The following DLC1 variants were observed in gnomAD, a reference collection of about 807,000 sequenced individuals.
DLC1 encodes rho GTPase-activating protein 7.
A neutral mutation model predicts 140.3 loss-of-function variants in DLC1; 54 were observed. The observed-to-expected ratio is 0.38, with a 90% CI of 0.31 to 0.48. DLC1 has a LOEUF of 0.48. DLC1 is among the 20% of genes least tolerant of loss of function. The probability of loss-of-function intolerance (pLI) is 0.96; values close to 1 mark genes in which losing one functional copy is unlikely to be tolerated. For synonymous variants in DLC1, 986 were observed against 728.1 expected, an observed-to-expected ratio of 1.35 and a Z score of -5.70; for missense variants, 2,536 against 1,907.0, an observed-to-expected ratio of 1.33 and a Z score of -6.14.
At chr8:13,292,933 A>T (rs1831817830) in intron 5 of DLC1, among the ~76,000 whole-genome samples, 1 of 152,214 alleles carries the variant, frequency 6.6e-6, no homozygotes, top group African/African-American at 2.4e-5. Flanking sequence ...ATTAAAAACC[A>T]AATTGCAGGC....
At chr8:13,159,735 G>C (rs1289672174) in intron 5 of DLC1, among the ~76,000 whole-genome samples, 1 of 152,038 alleles carries the variant, frequency 6.6e-6, no homozygotes, top group Non-Finnish European at 1.5e-5. Context: ...AGTAGGCCTT[G>C]ATGGCTTAGT....
intron 2 of DLC1, among the ~76,000 whole-genome samples, chr8:13,405,973 CA>C (rs1295858141): frequency 1.3e-3 from 92 of 71,120 alleles, no homozygotes; most frequent in African/African-American, 1.8e-3. Flanking sequence ...TTCTTTCTTT[CA>C]TCTCTCTCTC....
intron 5 of DLC1, among the ~76,000 whole-genome samples, chr8:13,201,044 AG>A (rs763850923): frequency 6.6e-6 from 1 of 152,212 alleles, no homozygotes; most frequent in Non-Finnish European, 1.5e-5. Context: ...GATAGTTATT[AG>A]GAAACAAGCA....
chr8:13,147,986 CA>C (rs546552256), intron 5 of DLC1, among the ~76,000 whole-genome samples: 1 of 151,934 alleles, frequency 6.6e-6, no homozygotes. Flanking sequence ...GACTCCATCT[CA>C]AAAAAAGAAG....
rs1461616416 is a variant in DLC1 at position 13,582,878 on chromosome 8, C to CCATATATATATA, written c.-126+21658_-126+21659insTATATATATATG. Among the ~76,000 whole-genome samples, 1,002 of 103,030 alleles carry CCATATATATATA rather than the reference C, an allele frequency of 9.7e-3. 68 individuals carry two copies. The highest frequency in any genetic ancestry group is 0.014 in the Non-Finnish European group (713 of 51,402). The allele number at this position is 103,030 out of a possible 152,430, so 67.6% of individuals were successfully genotyped here. A position where few individuals can be genotyped will look rare whatever the true frequency, so the allele number is the denominator to read the frequency against. On this transcript the variant is annotated intron_variant, in intron 1 of 1. Transcript: ENST00000631382. ...AGTTATGTTTACAATATACTGTGGT[C>CCATATATATATA]TATATATATATATATATATATATAT... is the stretch of plus-strand genomic sequence containing the variant.
intron 5 of DLC1, among the ~76,000 whole-genome samples, chr8:13,265,940 T>G (rs1208647345): frequency 6.6e-6 from 1 of 152,218 alleles, no homozygotes; most frequent in Non-Finnish European, 1.5e-5. Context: ...CAGGCACTGC[T>G]TTGACATAAT....
At chr8:13,133,816 G>A (rs568664489) in intron 5 of DLC1, among the ~76,000 whole-genome samples, 1 of 152,228 alleles carries the variant, frequency 6.6e-6, no homozygotes, top group Non-Finnish European at 1.5e-5. Flanking sequence ...AGGGGAAGCG[G>A]AGAGGAAGGG....
At chr8:13,242,631 G>A (rs1428436520) in intron 5 of DLC1, among the ~76,000 whole-genome samples, 3 of 152,158 alleles carry the variant, frequency 2.0e-5, no homozygotes, top group Non-Finnish European at 2.9e-5. Context: ...GGGCTCAAGC[G>A]ATTCTCCTAC....
At chr8:13,580,280 G>T (rs1427554362) in intron 1 of DLC1, among the ~76,000 whole-genome samples, 1 of 151,948 alleles carries the variant, frequency 6.6e-6, no homozygotes, top group Non-Finnish European at 1.5e-5. Flanking sequence ...CCGCCACCAC[G>T]CGCGGCTAAT....
At chr8:13,588,699 A>G (rs561791967) in intron 1 of DLC1, among the ~76,000 whole-genome samples, 27 of 152,208 alleles carry the variant, frequency 1.8e-4, no homozygotes, top group Non-Finnish European at 3.4e-4. Context: ...ACAATTCAGA[A>G]ATTATGGCTA....
At chr8:13,169,055 C>T (rs907612228) in intron 5 of DLC1, among the ~76,000 whole-genome samples, 2 of 152,190 alleles carry the variant, frequency 1.3e-5, no homozygotes, top group African/African-American at 2.4e-5. Context: ...ATAAATAGTA[C>T]ATAGGCATCT....
intron 2 of DLC1, among the ~76,000 whole-genome samples, chr8:13,473,422 A>C (rs998876271): frequency 3.3e-5 from 5 of 152,160 alleles, no homozygotes; most frequent in African/African-American, 1.2e-4. Flanking sequence ...GCCTGATGCT[A>C]TCCATCTAAG....
intron 2 of DLC1, among the ~76,000 whole-genome samples, chr8:13,440,561 C>A (rs1462889127): frequency 6.6e-6 from 1 of 151,532 alleles, no homozygotes; most frequent in East Asian, 1.9e-4. Flanking sequence ...GATGAAACAT[C>A]CAATTCTCTT....
intron 5 of DLC1, among the ~76,000 whole-genome samples, chr8:13,201,920 G>GC (rs1563160592): frequency 7.6e-6 from 1 of 132,404 alleles, no homozygotes; most frequent in African/African-American, 3.1e-5. Flanking sequence ...GTACCCAAAA[G>GC]GTTTTTTTTT....
chr8:13,272,748 C>G (rs1830992469), intron 5 of DLC1, among the ~76,000 whole-genome samples: 1 of 152,038 alleles, frequency 6.6e-6, no homozygotes, highest in Non-Finnish European at 1.5e-5. Flanking sequence ...GTGGTGGGCG[C>G]CTGTAGTCCC....
chr8:13,191,268 A>G (rs914843882), intron 5 of DLC1, among the ~76,000 whole-genome samples: 2 of 152,160 alleles, frequency 1.3e-5, no homozygotes, highest in African/African-American at 4.8e-5. Context: ...GCACTTTGGG[A>G]GGTGGAGGCG....
chr8:13,514,790 C>T lies in DLC1; in HGVS notation c.-314G>A, dbSNP rs1011029227. On this transcript the variant is annotated 5_prime_UTR_variant, in exon 1 of 18. Transcript: ENST00000276297. ...AACACCCTCTGCAGCTGGAGGGAGC[C>T]TTAGCTAAGGCAGGATCCTGTCAAG... 1.3e-5 allele frequency: 5 copies of T among 396,314 alleles called. No homozygotes were observed. Among genetic ancestry groups the T allele is most frequent in the African/African-American group, 4.1e-5 (2 of 48,578 alleles). The allele number at this position is 396,314 out of a possible 1,614,324, so 24.5% of individuals were successfully genotyped here. A position where few individuals can be genotyped will look rare whatever the true frequency, so the allele number is the denominator to read the frequency against.
At position 13,139,016 on chromosome 8, in the gene DLC1, A is replaced by G. The variant is rs1211822930; in HGVS notation, c.1349-23359T>C. Among the ~76,000 whole-genome samples, 6 of 152,244 alleles carry G rather than the reference A, an allele frequency of 3.9e-5. No homozygotes were observed. In the East Asian group the frequency reaches 9.7e-4, roughly 25 times the overall value. ...TTAAGAGAGAGAAGCTGGGCACAGT[A>G]GTTCATGCCTGTAATCCCAGCATTT... is the stretch of plus-strand genomic sequence containing the variant. On this transcript the variant is annotated intron_variant, in intron 5 of 17. Coordinates refer to ENST00000276297, the MANE Select transcript of DLC1 (RefSeq NM_182643.3).
chr8:13,144,823 A>G (rs1265940302), intron 5 of DLC1, among the ~76,000 whole-genome samples: 4 of 152,136 alleles, frequency 2.6e-5, no homozygotes, highest in Admixed American at 2.6e-4. Flanking sequence ...TATCTGTCCT[A>G]CTGGTTCTGT....
Sources: gnomAD v4.1 joint callset for allele counts (sites outside exome capture counted in the v4.1 genomes callset) on GRCh38, gnomAD v4.1.1 for gene constraint, MANE v1.5 for transcripts, NCBI Gene and HGNC (gene_info 2026-07-23, HGNC 2026-07-21) for gene names.